Variants in EPB41L2 observed in about 807,000 individuals in gnomAD.
EPB41L2 encodes the protein band 4.1-like protein 2.
EPB41L2 carries 43 observed loss-of-function variants against 113.0 expected under a neutral mutation model. That is an observed-to-expected ratio of 0.38 (90% confidence interval 0.30 to 0.49). The LOEUF is 0.49. EPB41L2 is among the 20% of genes least tolerant of loss of function. EPB41L2 has a pLI of 0.95. For synonymous variants in EPB41L2, 442 were observed against 436.7 expected (o/e 1.01, Z -0.15); for missense variants, 1,147 against 1,223.4 (o/e 0.94, Z 0.93).
At chr6:130,947,629 C>T (rs1813394139) in intron 3 of EPB41L2, among the ~76,000 whole-genome samples, 1 of 152,144 alleles carries the variant, frequency 6.6e-6, no homozygotes, top group African/African-American at 2.4e-5. Context: ...AGATACAGAA[C>T]CACCGATAAG....
chr6:130,894,076 G>A (rs1235564966), intron 10 of EPB41L2, among the ~76,000 whole-genome samples: 1 of 152,126 alleles, frequency 6.6e-6, no homozygotes, highest in Non-Finnish European at 1.5e-5. Context: ...GAGGCAAGGA[G>A]GGGAGAAAAG....
chr6:130,969,257 T>C (rs778657826), intron 1 of EPB41L2, among the ~76,000 whole-genome samples: 1 of 152,046 alleles, frequency 6.6e-6, no homozygotes, highest in Admixed American at 6.6e-5. Context: ...CAAGTACACA[T>C]GTACCCCCCT....
intron 1 of EPB41L2, among the ~76,000 whole-genome samples, chr6:131,031,109 A>G (rs1273120985): frequency 6.6e-6 from 1 of 152,078 alleles, no homozygotes; most frequent in African/African-American, 2.4e-5. Context: ...AAAGTTTATA[A>G]TGAATGGTAA....
At chr6:130,917,930 A>G (rs1801646974) in intron 4 of EPB41L2, among the ~76,000 whole-genome samples, 2 of 152,216 alleles carry the variant, frequency 1.3e-5, no homozygotes, top group Non-Finnish European at 2.9e-5. Flanking sequence ...AACCCAATTC[A>G]CAGTGTATGA....
chr6:131,022,974 C>A (rs1315870142), intron 1 of EPB41L2, among the ~76,000 whole-genome samples: 3 of 152,128 alleles, frequency 2.0e-5, no homozygotes, highest in African/African-American at 7.2e-5. Flanking sequence ...TTTTGTAAAC[C>A]ACCTTATTTC....
At chr6:131,056,534 T>C (rs12199897) in intron 1 of EPB41L2, among the ~76,000 whole-genome samples, 131,086 of 152,276 alleles carry the variant, frequency 0.86, 56,991 homozygotes, top group East Asian at 1. Context: ...AGGAAATTAC[T>C]GTTTCATTTC....
At chr6:130,900,833 T>C in intron 7 of EPB41L2, 129 bp downstream of exon 7, 1 of 1,003,328 alleles carries the variant, frequency 1.0e-6, no homozygotes, top group Non-Finnish European at 1.5e-6. Context: ...CCTTGATTAG[T>C]GCTAGGTGAA....
chr6:130,843,580 T>C (rs1384888605), intron 19 of EPB41L2, among the ~76,000 whole-genome samples: 1 of 152,224 alleles, frequency 6.6e-6, no homozygotes, highest in East Asian at 1.9e-4. Context: ...AGATCATAGC[T>C]GTTAAGCATA....
chr6:130,895,212 T>C, intron 8 of EPB41L2, 93 bp from the exon 9 acceptor site: 1 of 1,402,298 alleles, frequency 7.1e-7, no homozygotes, highest in South Asian at 1.5e-5. Flanking sequence ...TGATCAGGAA[T>C]GACAGTTTAA....
chr6:131,044,063 C>A, intron 1 of EPB41L2, among the ~76,000 whole-genome samples: 1 of 143,684 alleles, frequency 7.0e-6, no homozygotes. Context: ...ACTCTGCTGT[C>A]CAGGTTGGAG....
At chr6:130,995,769 T>TTC (rs1562690530) in intron 1 of EPB41L2, among the ~76,000 whole-genome samples, 3 of 152,178 alleles carry the variant, frequency 2.0e-5, no homozygotes, top group Non-Finnish European at 4.4e-5. Flanking sequence ...GCCTGATCCT[T>TTC]TCCTCCTCCT....
chr6:130,926,792 T>C, intron 3 of EPB41L2, 83 bp from the exon 4 acceptor site: 1 of 749,302 alleles, frequency 1.3e-6, no homozygotes, highest in Non-Finnish European at 2.2e-6. Context: ...ATCAGATACA[T>C]GATTTATTAT....
chr6:131,019,050 C>A (rs1014115304), intron 1 of EPB41L2, among the ~76,000 whole-genome samples: 1 of 152,164 alleles, frequency 6.6e-6, no homozygotes, highest in African/African-American at 2.4e-5. Flanking sequence ...CCCATAAAAA[C>A]CCTACTTGGG....
In EPB41L2 at chr6:131,059,791, G is replaced by A. The variant is rs1015211187; in HGVS notation, c.-15+3364C>T. Among the ~76,000 whole-genome samples, 7 of 152,232 alleles carry A rather than the reference G, an allele frequency of 4.6e-5. No individual in the cohort carries two copies. In the South Asian group the frequency reaches 6.2e-4, roughly 14 times the overall value. The stretch of plus-strand genomic sequence containing the variant: ...GGTTTGGCTATTATTTGCTGACTAC[G>A]AAAGCCAGCATAAACATTTACTTCA... On this transcript the variant is annotated intron_variant, in intron 1 of 19. Coordinates refer to ENST00000337057, the MANE Select transcript of EPB41L2 (RefSeq NM_001431.4).
chr6:130,993,473 G>A (rs1309404203), intron 1 of EPB41L2, among the ~76,000 whole-genome samples: 3 of 152,214 alleles, frequency 2.0e-5, no homozygotes, highest in Non-Finnish European at 4.4e-5. Context: ...CTGTTTTAAT[G>A]AGCGCCTGGG....
chr6:130,871,051 T>G (rs1341109476), intron 14 of EPB41L2, among the ~76,000 whole-genome samples: 1 of 152,200 alleles, frequency 6.6e-6, no homozygotes, highest in Non-Finnish European at 1.5e-5. Context: ...AAGTTTATTA[T>G]TTGACATGTT....
At chr6:130,910,215 A>G (rs1199487446) in intron 4 of EPB41L2, among the ~76,000 whole-genome samples, 5 of 152,202 alleles carry the variant, frequency 3.3e-5, no homozygotes, top group Non-Finnish European at 5.9e-5. Flanking sequence ...ATGCCTCAGA[A>G]ATAACACCAC....
intron 1 of EPB41L2, chr6:131,014,040 AT>A (rs1269563337): frequency 6.8e-6 from 1 of 146,406 alleles, no homozygotes; most frequent in Non-Finnish European, 1.5e-5. Flanking sequence ...CATGTTTCAA[AT>A]AAATAGTTAA....
intron 19 of EPB41L2, among the ~76,000 whole-genome samples, chr6:130,853,452 A>G (rs993765123): frequency 1.3e-5 from 2 of 152,152 alleles, no homozygotes; most frequent in African/African-American, 4.8e-5. Context: ...AATATTTTTC[A>G]TCCATGTGAG....
Sources: allele counts gnomAD v4.1 joint callset (sites outside exome capture counted in the v4.1 genomes callset), GRCh38; gene constraint gnomAD v4.1.1; transcripts MANE v1.5; gene names NCBI Gene and HGNC (gene_info 2026-07-23, HGNC 2026-07-21).